The following DEPDC5 variants were observed in gnomAD, a reference collection of about 807,000 sequenced individuals.
DEPDC5 encodes GATOR1 complex protein DEPDC5.
Under a neutral mutation model 217.3 loss-of-function variants are expected in DEPDC5, and 73 were observed. The ratio of observed to expected loss-of-function variants is 0.34; its 90% CI spans 0.28 to 0.41. The LOEUF is 0.41. Among genes scored for constraint, DEPDC5 ranks in the 10% least tolerant of loss-of-function variants. The probability of loss-of-function intolerance (pLI) is 1.00; values close to 1 mark genes in which losing one functional copy is unlikely to be tolerated. For missense variants in DEPDC5, 1,675 were observed against 2,070.1 expected (o/e 0.81, Z 3.70); for synonymous variants, 733 against 756.7 (o/e 0.97, Z 0.51).
intron 24 of DEPDC5, among the ~76,000 whole-genome samples, chr22:31,828,086 C>CT (rs1471763319): frequency 6.6e-6 from 1 of 152,114 alleles, no homozygotes; most frequent in African/African-American, 2.4e-5. Context: ...AAATTTTGTA[C>CT]TTTTTTTATT....
intron 19 of DEPDC5, among the ~76,000 whole-genome samples, 191 bp downstream of exon 19, chr22:31,809,838 T>C (rs2088044835): frequency 6.6e-6 from 1 of 152,020 alleles, no homozygotes; most frequent in Admixed American, 6.6e-5. Context: ...AAAAATTAGC[T>C]GGGTGTGATG....
intron 24 of DEPDC5, among the ~76,000 whole-genome samples, chr22:31,825,729 A>G (rs552220045): frequency 1.9e-4 from 29 of 152,208 alleles, no homozygotes; most frequent in African/African-American, 6.7e-4. Context: ...CCATACTGTC[A>G]CTGATGTTTC....
At chr22:31,842,539 C>T (rs1018488217) in intron 27 of DEPDC5, among the ~76,000 whole-genome samples, 2 of 141,356 alleles carry the variant, frequency 1.4e-5, no homozygotes, top group Non-Finnish European at 3.0e-5. Context: ...CGGGCCATTG[C>T]ACTCCAGCTT....
In DEPDC5 at chr22:31,801,026, C is replaced by A. The variant is rs560192883; in HGVS notation, c.947-1678C>A. 2.7e-4 allele frequency among the ~76,000 whole-genome samples: 40 copies of A among 150,750 alleles called. 1 individual carries two copies. Among genetic ancestry groups the A allele is most frequent in the African/African-American group, 9.5e-4 (39 of 40,958 alleles). ...TAAATAAATAGGCTGGCTGCAGTGGCTGACACCTGTAATACCAGCACTTTC... is the reference window on the plus strand; with the variant it reads ...TAAATAAATAGGCTGGCTGCAGTGGATGACACCTGTAATACCAGCACTTTC... On this transcript the variant is annotated intron_variant, in intron 14 of 42. Transcript: ENST00000651528.
intron 4 of DEPDC5, among the ~76,000 whole-genome samples, chr22:31,760,944 G>C (rs1221480143): frequency 6.6e-6 from 1 of 151,730 alleles, no homozygotes; most frequent in Non-Finnish European, 1.5e-5. Context: ...TGACAGAACA[G>C]ATACAGATAA....
intron 15 of DEPDC5, among the ~76,000 whole-genome samples, chr22:31,803,297 G>A (rs1041787614): frequency 5.3e-5 from 8 of 151,796 alleles, no homozygotes; most frequent in African/African-American, 1.9e-4. Context: ...TGCAAGCTCC[G>A]CCTCCTGGGT....
At chr22:31,805,568 T>A (rs2087415481) in intron 17 of DEPDC5, among the ~76,000 whole-genome samples, 1 of 151,982 alleles carries the variant, frequency 6.6e-6, no homozygotes, top group Admixed American at 6.6e-5. Context: ...TGACATGATC[T>A]TGGCTCACTG....
rs35291104 is a variant in DEPDC5, at chr22:31,759,676, CTTTTTTTTTT to C, written c.147-967_147-958del. Among the ~76,000 whole-genome samples, 6 of 94,956 alleles carry C rather than the reference CTTTTTTTTTT, an allele frequency of 6.3e-5. No individual in the cohort carries two copies. The South Asian group carries it at 1.1e-3, about 18-fold the overall frequency. The allele number at this position is 94,956 out of a possible 152,430, so 62.3% of individuals were successfully genotyped here. A position where few individuals can be genotyped will look rare whatever the true frequency, so the allele number is the denominator to read the frequency against. On this transcript the variant is annotated intron_variant, in intron 3 of 42. Transcript: ENST00000651528. The stretch of plus-strand genomic sequence containing the variant: ...CATGAGCTACCTTGCCGCGCCCAGC[CTTTTTTTTTT>C]TTTTTTTTTTTTAAGAGACAGAGTC...
intron 25 of DEPDC5, among the ~76,000 whole-genome samples, chr22:31,834,799 G>A (rs1305636992): frequency 6.6e-6 from 1 of 152,146 alleles, no homozygotes; most frequent in East Asian, 1.9e-4. Flanking sequence ...AAAGTGCTGT[G>A]ATTACAGCCG....
intron 34 of DEPDC5, among the ~76,000 whole-genome samples, chr22:31,872,077 G>A (rs2092860514): frequency 6.6e-6 from 1 of 152,234 alleles, no homozygotes; most frequent in African/African-American, 2.4e-5. Context: ...GTCTGGGACT[G>A]AGGAAAGGGA....
intron 32 of DEPDC5, 148 bp from the exon 33 acceptor site, chr22:31,861,220 C>G: frequency 2.1e-6 from 1 of 469,662 alleles, no homozygotes; most frequent in Non-Finnish European, 3.8e-6. Context: ...TTCATATGTC[C>G]TTGTTTCTCT....
intron 31 of DEPDC5, 151 bp from the exon 32 acceptor site, chr22:31,857,294 T>G: frequency 4.8e-6 from 3 of 620,706 alleles, no homozygotes; most frequent in South Asian, 4.0e-5. Flanking sequence ...TGAATGAAAT[T>G]AAGGGTATCA....
chr22:31,770,341 A>G (rs979045423), intron 7 of DEPDC5, among the ~76,000 whole-genome samples: 1 of 151,716 alleles, frequency 6.6e-6, no homozygotes, highest in African/African-American at 2.4e-5. Context: ...TTCTTTCCTG[A>G]AATTTACTGT....
chr22:31,842,906 A>G (rs998862113), intron 27 of DEPDC5, among the ~76,000 whole-genome samples, 189 bp from the exon 28 acceptor site: 1 of 152,188 alleles, frequency 6.6e-6, no homozygotes, highest in Non-Finnish European at 1.5e-5. Context: ...GGTTGGTTTA[A>G]TAACAGAAAA....
intron 20 of DEPDC5, among the ~76,000 whole-genome samples, chr22:31,813,214 C>A (rs1242966484): frequency 6.6e-6 from 1 of 152,096 alleles, no homozygotes; most frequent in Non-Finnish European, 1.5e-5. Context: ...AGCCTCTCTC[C>A]TATGTGTGGA....
At chr22:31,859,860 C>G (rs1256986117) in intron 32 of DEPDC5, among the ~76,000 whole-genome samples, 2 of 152,198 alleles carry the variant, frequency 1.3e-5, no homozygotes, top group East Asian at 3.9e-4. Flanking sequence ...CACCTGAACT[C>G]CTTCACATGT....
At chr22:31,866,895 G>A (rs1028654193) in intron 33 of DEPDC5, among the ~76,000 whole-genome samples, 2 of 152,202 alleles carry the variant, frequency 1.3e-5, no homozygotes, top group Admixed American at 6.5e-5. Flanking sequence ...CACTGGCGAC[G>A]ATAATCTTCA....
chr22:31,904,812 T>C (rs971117876), intron 41 of DEPDC5, among the ~76,000 whole-genome samples: 1 of 152,184 alleles, frequency 6.6e-6, no homozygotes, highest in Non-Finnish European at 1.5e-5. Context: ...GAGCTTACAG[T>C]GCATAGTAGC....
At chr22:31,779,257 A>G (rs2084182707) in intron 8 of DEPDC5, among the ~76,000 whole-genome samples, 1 of 152,166 alleles carries the variant, frequency 6.6e-6, no homozygotes, top group African/African-American at 2.4e-5. Flanking sequence ...TATTGTTTAC[A>G]TTGGATGTAT....
Sources: allele counts gnomAD v4.1 joint callset (sites outside exome capture counted in the v4.1 genomes callset), GRCh38; gene constraint gnomAD v4.1.1; transcripts MANE v1.5; gene names NCBI Gene and HGNC (gene_info 2026-07-23, HGNC 2026-07-21).